Variants in OTOG observed in about 807,000 individuals in gnomAD.
The protein encoded by OTOG is otogelin.
In OTOG, 296 loss-of-function variants were observed where a neutral mutation model predicts 313.8. That is an observed-to-expected ratio of 0.94 (90% CI 0.86 to 1.04). OTOG has a LOEUF of 1.04. Ranked by LOEUF, OTOG falls within the 50% of genes least tolerant of loss-of-function variation. OTOG has a pLI of 0.00. For missense variants in OTOG, 3,948 were observed against 3,840.1 expected, an observed-to-expected ratio of 1.03 and a Z score of -0.74; for synonymous variants, 1,533 against 1,554.9, an observed-to-expected ratio of 0.99 and a Z score of 0.33.
intron 47 of OTOG, among the ~76,000 whole-genome samples, chr11:17,637,254 T>C (rs754446368): frequency 1.3e-5 from 2 of 152,214 alleles, no homozygotes; most frequent in Non-Finnish European, 2.9e-5. Context: ...GCTGTTTTCA[T>C]TGAACAATCA....
chr11:17,609,161 C>A lies in OTOG; in HGVS notation c.4306C>A (p.Pro1436Thr). The A allele has an allele frequency of 6.4e-7, 1 of 1,550,566 alleles. No individual in the cohort carries two copies. The highest frequency in any genetic ancestry group is 8.7e-7 in the Non-Finnish European group (1 of 1,146,944). Residue 1436 changes from proline (P) to threonine (T), a missense_variant, in exon 35 of 56, where the codon CCC (proline) becomes ACC (threonine). By Grantham distance (38) the Pro-to-Thr change is conservative (BLOSUM62 -1). Coordinates refer to ENST00000399397, the MANE Select transcript of OTOG (RefSeq NM_001292063.2). ...AGGCTGTGTCCCTGTGTGCCCCACC[C>A]CCCAGGTCCTGGATGAAGTCACACA... Reference protein sequence around the residue: ...VEGCVPVCPTPQVLDEVTQRC... With the variant: ...VEGCVPVCPTTQVLDEVTQRC...
intron 39 of OTOG, 101 bp from the exon 40 acceptor site, chr11:17,629,032 G>GTGGATGGATGGA (rs1854050380): frequency 8.4e-7 from 1 of 1,193,076 alleles, no homozygotes; most frequent in African/African-American, 1.5e-5. Context: ...CAGATGATGG[G>GTGGATGGATGGA]TGGATGGATG....
At position 17,641,903 on chromosome 11, in the gene OTOG, C is replaced by T. The variant is rs778915475; in HGVS notation, c.8247C>T (p.Asn2749=). 20 of 1,550,330 alleles carry T rather than the reference C, an allele frequency of 1.3e-5. No individual in the cohort carries two copies. In the East Asian group the frequency reaches 2.9e-4, roughly 23 times the overall value. The part of the protein sequence containing the change: ...DLAACCGSCR[N]VSCLFTFPNG... ...CTGCCTGCTGCGGCTCCTGCAGGAA[C>T]GTGTCCTGTCTCTTCACCTTCCCCA... is the stretch of plus-strand genomic sequence containing the variant. Residue 2749 remains asparagine (N), a synonymous_variant, in exon 52 of 56, where the codon AAC becomes AAT. Coordinates refer to ENST00000399397, the MANE Select transcript of OTOG (RefSeq NM_001292063.2).
intron 23 of OTOG, among the ~76,000 whole-genome samples, chr11:17,585,013 G>T (rs567873677): frequency 2.0e-5 from 3 of 152,180 alleles, no homozygotes; most frequent in Non-Finnish European, 4.4e-5. Context: ...CAACGTTTTT[G>T]TCTGGTTTTG....
At position 17,609,992 on chromosome 11, in the gene OTOG, A is replaced by G; in HGVS notation, c.4692A>G (p.Thr1564=). The G allele has an allele frequency of 6.5e-6, 10 of 1,543,234 alleles. No individual in the cohort carries two copies. Among genetic ancestry groups the G allele is most frequent in the Admixed American group, 2.0e-5 (1 of 50,682 alleles). Residue 1564 remains threonine (T), a synonymous_variant, in exon 36 of 56, where the codon ACA becomes ACG. Coordinates refer to ENST00000399397, the MANE Select transcript of OTOG (RefSeq NM_001292063.2). ...VTASLLAIPH[T]PESSSLPVAL... ...CCAGCCTCCTGGCCATCCCCCATAC[A>G]CCAGAGTCCTCATCCCTCCCTGTTG...
At position 17,598,451 on chromosome 11, in the gene OTOG, T is replaced by A. The variant is rs78877065; in HGVS notation, c.3683-1220T>A. Among the ~76,000 whole-genome samples the A allele has an allele frequency of 1.4e-3, 209 of 152,328 alleles. 2 individuals are homozygous for A. The East Asian group carries it at 0.032, about 23-fold the overall frequency. Reference sequence around the variant, plus strand: ...GGATATTTTTGCATTAATTTTGATGTTTTAAAAATATTGCATTAAGATAGT... The same window carrying A: ...GGATATTTTTGCATTAATTTTGATGATTTAAAAATATTGCATTAAGATAGT... On this transcript the variant is annotated intron_variant, in intron 30 of 55. Transcript: ENST00000399397.
chr11:17,636,457 T>C (rs1454285965), intron 47 of OTOG, among the ~76,000 whole-genome samples: 1 of 152,188 alleles, frequency 6.6e-6, no homozygotes, highest in East Asian at 1.9e-4. Flanking sequence ...GGTTTTTTCT[T>C]ACACAGAACA....
intron 39 of OTOG, among the ~76,000 whole-genome samples, chr11:17,615,033 G>A (rs544920459): frequency 2.4e-3 from 368 of 152,300 alleles, no homozygotes; most frequent in Middle Eastern, 0.01. Flanking sequence ...TTGGTGGCAC[G>A]TGTTTGTTTG....
rs1007513705 is a variant in OTOG, at chr11:17,573,310, G to A, written c.2293+20G>A. The A allele has an allele frequency of 1.1e-5, 16 of 1,504,498 alleles. No homozygotes were observed. The highest frequency in any genetic ancestry group is 2.0e-5 in the Admixed American group (1 of 49,416). 93.2% of individuals were successfully genotyped at this position (1,504,498 alleles called of 1,614,324 possible). A position where few individuals can be genotyped will look rare whatever the true frequency, so the allele number is the denominator to read the frequency against. On this transcript the variant is annotated intron_variant, in intron 19 of 55. Coordinates refer to ENST00000399397, the MANE Select transcript of OTOG (RefSeq NM_001292063.2). ...CCTGTGGTGAGTGCCCCACCCATGT[G>A]AGGCTGAGCTGGAGGAGCCAGAGCT...
intron 39 of OTOG, among the ~76,000 whole-genome samples, chr11:17,615,478 G>T (rs543248281): frequency 6.6e-6 from 1 of 152,240 alleles, no homozygotes; most frequent in South Asian, 2.1e-4. Context: ...ATAGTTTTAG[G>T]TATTACTTTT....
At position 17,610,581 on chromosome 11, in the gene OTOG, AG is replaced by A; in HGVS notation, c.5283del (p.Arg1761SerfsTer96). 1 of 1,550,396 alleles carries A rather than the reference AG, an allele frequency of 6.4e-7. No homozygotes were observed. ...AGCCCAGCATACCACCATGGCCACC[AG>A]GTCTCCAGCTCTGCCCCCAGAGACC... ...RPAQHTTMAT[R>X]SPALPPETPA... On this transcript the variant is annotated frameshift_variant, in exon 36 of 56. Coordinates refer to ENST00000399397, the MANE Select transcript of OTOG (RefSeq NM_001292063.2). LOFTEE classifies it high-confidence loss of function.
chr11:17,636,276 A>T (rs1050348120), intron 47 of OTOG, among the ~76,000 whole-genome samples: 1 of 152,184 alleles, frequency 6.6e-6, no homozygotes, highest in African/African-American at 2.4e-5. Context: ...TAGTACCTTG[A>T]TATAGAATGC....
chr11:17,553,745 G>A lies in OTOG; in HGVS notation c.540+226G>A, dbSNP rs143201732. Among the ~76,000 whole-genome samples, 13 of 152,338 alleles carry A rather than the reference G, an allele frequency of 8.5e-5. No individual in the cohort carries two copies. In the South Asian group the frequency reaches 2.5e-3, roughly 29 times the overall value. On this transcript the variant is annotated intron_variant, in intron 6 of 55. Coordinates refer to ENST00000399397, the MANE Select transcript of OTOG (RefSeq NM_001292063.2). ...ATTTATTGAGCCACTCATTCATCAA[G>A]TATTTACTAAGTGCATACTGTACTC...
chr11:17,595,288 A>G (rs564762258), intron 28 of OTOG, among the ~76,000 whole-genome samples: 70 of 152,340 alleles, frequency 4.6e-4, no homozygotes, highest in Non-Finnish European at 7.9e-4. Flanking sequence ...CCCCATGTAC[A>G]TCATATTTCT....
intron 17 of OTOG, among the ~76,000 whole-genome samples, chr11:17,571,108 G>T (rs957990470): frequency 4.6e-5 from 7 of 152,206 alleles, no homozygotes; most frequent in African/African-American, 1.7e-4. Context: ...GCATTCTTTA[G>T]CCAAAACGGA....
intron 15 of OTOG, 122 bp downstream of exon 15, chr11:17,561,929 C>A: frequency 1.6e-6 from 2 of 1,253,652 alleles, no homozygotes; most frequent in Non-Finnish European, 2.2e-6. Context: ...TGCCTCTTCT[C>A]TCTGGGGAGA....
intron 3 of OTOG, among the ~76,000 whole-genome samples, chr11:17,551,770 A>G (rs1482181859): frequency 6.6e-6 from 1 of 152,090 alleles, no homozygotes; most frequent in Non-Finnish European, 1.5e-5. Context: ...CAGAGATGCC[A>G]CTTGGGAAGG....
At chr11:17,621,358 C>A (rs1485470230) in intron 39 of OTOG, among the ~76,000 whole-genome samples, 1 of 152,148 alleles carries the variant, frequency 6.6e-6, no homozygotes, top group East Asian at 1.9e-4. Context: ...CATACCAATT[C>A]CCTGCTACTA....
Position 17,559,673 on chromosome 11 carries a change from G to A in OTOG, c.1342+11G>A, listed in dbSNP as rs1210083088. 6.4e-7 allele frequency: 1 copy of A among 1,550,452 alleles called. No individual in the cohort carries two copies. Among genetic ancestry groups the A allele is most frequent in the African/African-American group, 1.4e-5 (1 of 73,160 alleles). ...GCTATTGCCCCAATGGTATGCTAGGGGCAGACGTAGGTGCCTGGCACCATC... is the reference window on the plus strand; with the variant it reads ...GCTATTGCCCCAATGGTATGCTAGGAGCAGACGTAGGTGCCTGGCACCATC... On this transcript the variant is annotated intron_variant, in intron 12 of 55. Transcript: ENST00000399397.
Sources: allele counts gnomAD v4.1 joint callset (sites outside exome capture counted in the v4.1 genomes callset), GRCh38; gene constraint gnomAD v4.1.1; transcripts MANE v1.5; gene names NCBI Gene and HGNC (gene_info 2026-07-23, HGNC 2026-07-21).